The following CORIN variants were observed in gnomAD, a reference collection of about 807,000 sequenced individuals.
CORIN encodes atrial natriuretic peptide-converting enzyme.
CORIN carries 117 observed loss-of-function variants against 125.3 expected under a neutral mutation model. The ratio of observed to expected loss-of-function variants is 0.93; its 90% CI spans 0.80 to 1.09. The LOEUF (loss-of-function observed/expected upper bound fraction) is 1.09, where lower values mean the gene tolerates loss of function less well. CORIN is among the 50% of genes least tolerant of loss of function. The probability of loss-of-function intolerance (pLI) is 0.00; values close to 1 mark genes in which losing one functional copy is unlikely to be tolerated. For synonymous variants in CORIN, 450 were observed against 466.4 expected (o/e 0.96, Z 0.45); for missense variants, 1,253 against 1,306.7 (o/e 0.96, Z 0.63).
chr4:47,680,424 G>T lies in CORIN; in HGVS notation c.1022-173C>A, dbSNP rs185976615. On this transcript the variant is annotated intron_variant, in intron 7 of 21. Transcript: ENST00000273857. ...AATGCCACGCCCTCCCCACTCATGTGCCCCACTGACCACCATCACTGTGGG... is the reference window on the plus strand; with the variant it reads ...AATGCCACGCCCTCCCCACTCATGTTCCCCACTGACCACCATCACTGTGGG... The T allele has an allele frequency of 8.9e-6, 5 of 562,372 alleles. No homozygotes were observed. The Admixed American group carries it at 1.5e-4, about 17-fold the overall frequency. The allele number at this position is 562,372 out of a possible 1,614,324, so 34.8% of individuals were successfully genotyped here.
chr4:47,625,106 A>C (rs1722497566), intron 17 of CORIN, among the ~76,000 whole-genome samples: 1 of 152,118 alleles, frequency 6.6e-6, no homozygotes. Context: ...GCACTTACCA[A>C]AGCCTAAAAT....
intron 3 of CORIN, among the ~76,000 whole-genome samples, chr4:47,778,793 T>C (rs1330478534): frequency 1.3e-5 from 2 of 152,178 alleles, no homozygotes; most frequent in Non-Finnish European, 2.9e-5. Flanking sequence ...CTAACACTAG[T>C]GTCCACCAGA....
chr4:47,724,649 T>C (rs142693177), intron 5 of CORIN, among the ~76,000 whole-genome samples: 15 of 152,336 alleles, frequency 9.8e-5, no homozygotes, highest in East Asian at 5.8e-4. Context: ...AATGCAAGGC[T>C]AATGTAACAG....
rs201765485 is a variant in CORIN at position 47,779,422 on chromosome 4, ATTCTTTTTTTT to A, written c.409+7292_409+7302del. Among the ~76,000 whole-genome samples the A allele has an allele frequency of 9.6e-3, 1,451 of 150,956 alleles. 29 individuals carry two copies. Among genetic ancestry groups the A allele is most frequent in the African/African-American group, 0.033 (1,366 of 41,054 alleles). ...CCTGCTCTGATCCTCTTAGCTGCATATTCTTTTTTTTTTCTTTTTTTTTTTTCTTTTTTAGA... is the reference window on the plus strand; with the variant it reads ...CCTGCTCTGATCCTCTTAGCTGCATATTCTTTTTTTTTTTTCTTTTTTAGA... On this transcript the variant is annotated intron_variant, in intron 3 of 21. Transcript: ENST00000273857.
At chr4:47,604,828 A>G (rs934726664) in intron 19 of CORIN, among the ~76,000 whole-genome samples, 1 of 152,184 alleles carries the variant, frequency 6.6e-6, no homozygotes, top group African/African-American at 2.4e-5. Context: ...TATATTGACT[A>G]TATCCTCTAT....
Position 47,794,533 on chromosome 4 carries a change from G to C in CORIN, c.209-7608C>G, listed in dbSNP as rs544419775. ...TTAAGCTAGTTTTCATAAGCTTATG[G>C]CTAAAATAAATTTGTTTTAGATATA... On this transcript the variant is annotated intron_variant, in intron 2 of 21. Coordinates refer to ENST00000273857, the MANE Select transcript of CORIN (RefSeq NM_006587.4). 1.2e-4 allele frequency among the ~76,000 whole-genome samples: 18 copies of C among 152,140 alleles called. No homozygotes were observed. The East Asian group carries it at 2.9e-3, about 24-fold the overall frequency.
chr4:47,805,340 C>T (rs1040787185), intron 2 of CORIN, among the ~76,000 whole-genome samples: 2 of 151,682 alleles, frequency 1.3e-5, no homozygotes, highest in African/African-American at 4.8e-5. Context: ...CCACTATGTA[C>T]CCACAAACAT....
At chr4:47,711,341 A>C (rs1395224016) in intron 5 of CORIN, among the ~76,000 whole-genome samples, 1 of 152,226 alleles carries the variant, frequency 6.6e-6, no homozygotes, top group Non-Finnish European at 1.5e-5. Flanking sequence ...CCAGCCAAAG[A>C]CTACATTTCC....
intron 5 of CORIN, among the ~76,000 whole-genome samples, chr4:47,703,010 C>T (rs1726378093): frequency 6.6e-6 from 1 of 151,736 alleles, no homozygotes; most frequent in African/African-American, 2.4e-5. Flanking sequence ...TGGTGGTGTG[C>T]TGCACCCATC....
chr4:47,670,455 C>T (rs1214498779), intron 10 of CORIN, among the ~76,000 whole-genome samples: 2 of 152,346 alleles, frequency 1.3e-5, no homozygotes, highest in East Asian at 3.9e-4. Flanking sequence ...ACACCGTTTA[C>T]TCCTACCAAC....
intron 1 of CORIN, among the ~76,000 whole-genome samples, chr4:47,834,933 A>G (rs1446158351): frequency 6.6e-6 from 1 of 152,196 alleles, no homozygotes; most frequent in Non-Finnish European, 1.5e-5. Flanking sequence ...ACTGAGGCCC[A>G]GCAAGATTAT....
At chr4:47,823,978 G>A (rs553852052) in intron 1 of CORIN, among the ~76,000 whole-genome samples, 19 of 152,238 alleles carry the variant, frequency 1.2e-4, no homozygotes, top group Non-Finnish European at 2.4e-4. Context: ...TGTGGCTGAC[G>A]TGCTGCTGTC....
chr4:47,669,768 A>C (rs972839219), intron 10 of CORIN, among the ~76,000 whole-genome samples: 61 of 151,964 alleles, frequency 4.0e-4, no homozygotes, highest in Non-Finnish European at 5.9e-4. Flanking sequence ...ATGGGGTTTC[A>C]CCATGTTAGC....
intron 3 of CORIN, among the ~76,000 whole-genome samples, chr4:47,767,183 T>A (rs1184242168): frequency 1.3e-5 from 2 of 152,022 alleles, no homozygotes; most frequent in Non-Finnish European, 2.9e-5. Flanking sequence ...GAGGATGAAG[T>A]CAATCTGCCC....
chr4:47,695,118 T>TC (rs1218676072), intron 5 of CORIN, among the ~76,000 whole-genome samples: 1 of 152,152 alleles, frequency 6.6e-6, no homozygotes, highest in Admixed American at 6.5e-5. Flanking sequence ...AGGAGTGCAC[T>TC]CCTATACCTA....
chr4:47,648,091 G>A (rs1425037486), intron 13 of CORIN, among the ~76,000 whole-genome samples: 1 of 152,134 alleles, frequency 6.6e-6, no homozygotes, highest in Non-Finnish European at 1.5e-5. Context: ...AGTTACATGG[G>A]AGATAGTATT....
At chr4:47,790,473 T>G (rs1731029801) in intron 2 of CORIN, among the ~76,000 whole-genome samples, 1 of 152,182 alleles carries the variant, frequency 6.6e-6, no homozygotes, top group African/African-American at 2.4e-5. Flanking sequence ...TTTCCCCTTT[T>G]AGCCCGATAA....
intron 4 of CORIN, among the ~76,000 whole-genome samples, chr4:47,760,389 T>A (rs940844284): frequency 6.6e-6 from 1 of 152,244 alleles, no homozygotes; most frequent in African/African-American, 2.4e-5. Flanking sequence ...TGACTGTCTT[T>A]TCTCCATTGC....
intron 10 of CORIN, among the ~76,000 whole-genome samples, chr4:47,670,350 G>T (rs1724692061): frequency 6.6e-6 from 1 of 152,126 alleles, no homozygotes; most frequent in Non-Finnish European, 1.5e-5. Flanking sequence ...ACATGGAAAT[G>T]CTTTTGTAAA....
Sources: allele counts gnomAD v4.1 joint callset (sites outside exome capture counted in the v4.1 genomes callset), GRCh38; gene constraint gnomAD v4.1.1; transcripts MANE v1.5; gene names NCBI Gene and HGNC (gene_info 2026-07-23, HGNC 2026-07-21).